COL22A1: variants seen among roughly 807,000 people sequenced by gnomAD.
COL22A1 encodes collagen alpha-1(XXII) chain.
Under a neutral mutation model 248.9 loss-of-function variants are expected in COL22A1, and 221 were observed. The observed-to-expected ratio is 0.89, with a 90% CI of 0.80 to 0.99. The LOEUF is 0.99. Among genes scored for constraint, COL22A1 ranks in the 50% least tolerant of loss-of-function variants. The pLI is 0.00. For synonymous variants in COL22A1, 891 were observed against 793.4 expected (o/e 1.12, Z -2.07); for missense variants, 2,240 against 2,179.0 (o/e 1.03, Z -0.56).
At chr8:138,703,469 A>T in intron 30 of COL22A1, 122 bp from the exon 31 acceptor site, 1 of 823,386 alleles carries the variant, frequency 1.2e-6, no homozygotes, top group South Asian at 1.5e-5. Context: ...TGCAGGGTGC[A>T]GGTAGGTGCA....
chr8:138,676,008 C>A (rs1346034225), intron 41 of COL22A1, among the ~76,000 whole-genome samples: 1 of 152,180 alleles, frequency 6.6e-6, no homozygotes, highest in African/African-American at 2.4e-5. Flanking sequence ...GAACACACTT[C>A]ATTGATTCTT....
rs1301111894 is a variant in COL22A1 at position 138,700,064 on chromosome 8, C to T, written c.2592+48G>A. 3.1e-6 allele frequency: 5 copies of T among 1,595,384 alleles called. No individual in the cohort carries two copies. The South Asian group carries it at 4.5e-5, about 14-fold the overall frequency. ...CTCCCAGGCCACACTGGACATTGCC[C>T]TCCAGGCCGAGGCACACTGGGCACC... On this transcript the variant is annotated intron_variant, in intron 32 of 64. Transcript: ENST00000303045.
intron 30 of COL22A1, among the ~76,000 whole-genome samples, chr8:138,708,506 T>C (rs62527951): frequency 1.9e-3 from 297 of 152,320 alleles, no homozygotes; most frequent in Middle Eastern, 0.01. Flanking sequence ...ATCTGATCTT[T>C]GACAAACATG....
At chr8:138,778,146 G>C (rs1439501530) in intron 15 of COL22A1, 2 of 648,242 alleles carry the variant, frequency 3.1e-6, no homozygotes. Context: ...CCAGGAATAT[G>C]CATTTAAACT....
At chr8:138,890,274 T>C (rs1824963803) in intron 1 of COL22A1, among the ~76,000 whole-genome samples, 1 of 152,148 alleles carries the variant, frequency 6.6e-6, no homozygotes, top group African/African-American at 2.4e-5. Flanking sequence ...ACAGCTAACG[T>C]CATCCTCAAT....
intron 63 of COL22A1, 80 bp from the exon 64 acceptor site, chr8:138,591,581 G>C: frequency 8.9e-7 from 1 of 1,128,850 alleles, no homozygotes; most frequent in East Asian, 2.9e-5. Flanking sequence ...TGCGGGAGGT[G>C]CAGGGGCAGC....
At chr8:138,830,530 A>T (rs1819961052) in intron 5 of COL22A1, among the ~76,000 whole-genome samples, 1 of 151,866 alleles carries the variant, frequency 6.6e-6, no homozygotes, top group African/African-American at 2.4e-5. Flanking sequence ...CTTTGCCATT[A>T]AAAAAAATGT....
chr8:138,714,455 C>T (rs1450709688), intron 30 of COL22A1, among the ~76,000 whole-genome samples: 4 of 152,086 alleles, frequency 2.6e-5, no homozygotes, highest in African/African-American at 9.7e-5. Context: ...GATGTCAGGC[C>T]AAGGAGAACT....
chr8:138,855,868 C>A (rs948165308), intron 3 of COL22A1, among the ~76,000 whole-genome samples: 1 of 152,242 alleles, frequency 6.6e-6, no homozygotes, highest in Non-Finnish European at 1.5e-5. Flanking sequence ...AAGCCACCCA[C>A]TGTCAACGGT....
At chr8:138,722,173 G>T in intron 25 of COL22A1, 84 bp from the exon 26 acceptor site, 1 of 1,226,172 alleles carries the variant, frequency 8.2e-7, no homozygotes, top group Non-Finnish European at 1.1e-6. Flanking sequence ...ACCAGGAGCT[G>T]TTTTTGCAGC....
intron 12 of COL22A1, among the ~76,000 whole-genome samples, chr8:138,785,817 C>G (rs1277940027): frequency 2.0e-5 from 3 of 152,204 alleles, no homozygotes; most frequent in Non-Finnish European, 4.4e-5. Flanking sequence ...GACTTAAGCA[C>G]CTCTGCATTC....
intron 41 of COL22A1, among the ~76,000 whole-genome samples, chr8:138,666,042 T>C (rs1490107972): frequency 6.6e-5 from 10 of 152,156 alleles, no homozygotes; most frequent in African/African-American, 2.4e-4. Context: ...CTAAAAAATA[T>C]ATATATATAA....
chr8:138,878,390 A>ACTGTC (rs1455858721), intron 2 of COL22A1, 74 bp from the exon 3 acceptor site: 1 of 1,240,582 alleles, frequency 8.1e-7, no homozygotes, highest in Admixed American at 2.9e-5. Flanking sequence ...TATACAGGTC[A>ACTGTC]CTGGGGTCAC....
Position 138,610,173 on chromosome 8 carries a change from G to A in COL22A1, c.3979-2184C>T, listed in dbSNP as rs183519564. On this transcript the variant is annotated intron_variant, in intron 56 of 64. Transcript: ENST00000303045. ...TTCTCTGTGCTTCCATTTCTCATCC[G>A]TGAATGCGGACAGAAATCACACCTG... Among the ~76,000 whole-genome samples, 495 of 152,308 alleles carry A rather than the reference G, an allele frequency of 3.2e-3. 6 individuals carry two copies. The highest frequency in any genetic ancestry group is 0.011 in the African/African-American group (457 of 41,566).
Position 138,878,367 on chromosome 8 carries a change from C to G in COL22A1, c.92-51G>C, listed in dbSNP as rs772575970. The stretch of plus-strand genomic sequence containing the variant: ...GTAGGGCAAATGGGCATGGAAAGGA[C>G]ACTGTCCTGGGGTATACAGGTCACT... On this transcript the variant is annotated intron_variant, in intron 2 of 64. Transcript: ENST00000303045. The G allele has an allele frequency of 5.6e-6, 8 of 1,422,128 alleles. No individual in the cohort carries two copies. In the East Asian group the frequency reaches 1.8e-4, roughly 31 times the overall value. The allele number at this position is 1,422,128 out of a possible 1,614,324, so 88.1% of individuals were successfully genotyped here. A position where few individuals can be genotyped will look rare whatever the true frequency, so the allele number is the denominator to read the frequency against.
intron 3 of COL22A1, among the ~76,000 whole-genome samples, chr8:138,868,187 G>C (rs1039082420): frequency 5.3e-5 from 8 of 152,216 alleles, no homozygotes; most frequent in Admixed American, 6.5e-5. Context: ...ATGTTATGCA[G>C]TCATGGCCTC....
At chr8:138,639,034 C>G (rs1821439752) in intron 47 of COL22A1, among the ~76,000 whole-genome samples, 1 of 152,196 alleles carries the variant, frequency 6.6e-6, no homozygotes, top group Non-Finnish European at 1.5e-5. Flanking sequence ...CCCGACTCTT[C>G]CAGGAACTCT....
chr8:138,907,315 C>T (rs1815104135), intron 1 of COL22A1, among the ~76,000 whole-genome samples: 1 of 152,202 alleles, frequency 6.6e-6, no homozygotes, highest in Non-Finnish European at 1.5e-5. Context: ...TGCTCATTAC[C>T]CTCGTGCTGT....
chr8:138,768,431 G>C (rs138021794), intron 16 of COL22A1, among the ~76,000 whole-genome samples: 31 of 152,358 alleles, frequency 2.0e-4, no homozygotes, highest in African/African-American at 6.7e-4. Flanking sequence ...GGAGGCAGCA[G>C]AAGGCAGTGG....
Sources: gnomAD v4.1 joint callset for allele counts (sites outside exome capture counted in the v4.1 genomes callset) on GRCh38, gnomAD v4.1.1 for gene constraint, MANE v1.5 for transcripts, NCBI Gene and HGNC (gene_info 2026-07-23, HGNC 2026-07-21) for gene names.